The following ZNF469 variants were observed in gnomAD, a reference collection of about 807,000 sequenced individuals.
ZNF469 encodes the protein zinc finger protein 469.
Under a neutral mutation model 1.0 loss-of-function variants are expected in ZNF469, and 1 was observed. The observed-to-expected ratio is 1.00, with a 90% CI of 0.35 to 4.73. The LOEUF (loss-of-function observed/expected upper bound fraction) is 4.73. ZNF469 is among the 30% of genes most tolerant of loss of function. The pLI is 0.16. For missense variants in ZNF469, 6,100 were observed against 5,356.3 expected (o/e 1.14, Z -4.33); for synonymous variants, 2,703 against 2,363.4 (o/e 1.14, Z -4.17).
chr16:88,306,551 G>A, the ZNF469 span, among the ~76,000 whole-genome samples: 11 of 152,320 alleles, frequency 7.2e-5, no homozygotes, highest in South Asian at 2.1e-3. Flanking sequence ...AGAGGGTGGT[G>A]GGGTGTGGTC....
the ZNF469 span, among the ~76,000 whole-genome samples, chr16:88,153,554 C>A: frequency 6.6e-6 from 1 of 152,222 alleles, no homozygotes. Context: ...CTTATGGGGA[C>A]ACAAATGGCA....
At chr16:88,267,637 C>T in the ZNF469 span, among the ~76,000 whole-genome samples, 4 of 151,996 alleles carry the variant, frequency 2.6e-5, no homozygotes, top group African/African-American at 4.8e-5. Context: ...GGTCACCACA[C>T]AGGGCCCCCA....
the ZNF469 span, among the ~76,000 whole-genome samples, chr16:88,182,789 A>C: frequency 1.4e-4 from 21 of 151,490 alleles, no homozygotes; most frequent in African/African-American, 5.1e-4. Context: ...AAAACCGTAA[A>C]ACATCTAGAA....
chr16:88,436,540 G>C lies in ZNF469; in HGVS notation c.9070G>C (p.Glu3024Gln), dbSNP rs1381719986. ...GDVSPEPPSL[E>Q]RERCDGGLPG... The stretch of plus-strand genomic sequence containing the variant: ...TGTGAGCCCCGAGCCCCCCAGCCTG[G>C]AGAGAGAACGCTGTGACGGTGGGCT... The change falls in exon 3 of 3, where the codon GAG becomes CAG. Residue 3024 changes from glutamate (E) to glutamine (Q), a missense_variant. Glu to Gln is a conservative substitution (Grantham distance 29, BLOSUM62 2). Transcript: ENST00000565624. 1.3e-6 allele frequency: 2 copies of C among 1,549,420 alleles called. No individual in the cohort carries two copies. The highest frequency in any genetic ancestry group is 4.9e-5 in the East Asian group (2 of 40,932).
the ZNF469 span, among the ~76,000 whole-genome samples, chr16:88,290,418 G>A: frequency 1.3e-5 from 2 of 152,068 alleles, no homozygotes; most frequent in Admixed American, 6.6e-5. Flanking sequence ...GGCAGGTGAC[G>A]TCCCCTCCTT....
At chr16:88,274,299 GA>G in the ZNF469 span, among the ~76,000 whole-genome samples, 2 of 152,228 alleles carry the variant, frequency 1.3e-5, no homozygotes, top group African/African-American at 2.4e-5. Flanking sequence ...GTTTCAGTTG[GA>G]AAGCTGAAGA....
the ZNF469 span, among the ~76,000 whole-genome samples, chr16:88,330,391 C>T: frequency 6.6e-6 from 1 of 152,242 alleles, no homozygotes; most frequent in Non-Finnish European, 1.5e-5. Flanking sequence ...CATAGCCACG[C>T]CTTCTGAAAA....
At chr16:88,112,192 C>T in the ZNF469 span, among the ~76,000 whole-genome samples, 18 of 152,190 alleles carry the variant, frequency 1.2e-4, no homozygotes, top group African/African-American at 4.3e-4. Flanking sequence ...AATCCCAGCA[C>T]TTCGGGAGGC....
the ZNF469 span, among the ~76,000 whole-genome samples, chr16:88,126,906 G>C: frequency 6.6e-6 from 1 of 151,980 alleles, no homozygotes; most frequent in African/African-American, 2.4e-5. Context: ...TGCAACCTCT[G>C]TCCCCCGGGT....
In ZNF469 at chr16:88,437,153, T is replaced by A. The variant is rs937807926; in HGVS notation, c.9683T>A (p.Leu3228Gln). ...GGCAGCAGCGCTGTCGCCCACCTTC[T>A]GAACAGCATCACGGAACCCGCGCCC... Reference protein sequence around the residue: ...LEGSSAVAHLLNSITEPAPKH... With the variant: ...LEGSSAVAHLQNSITEPAPKH... The change falls in exon 3 of 3, where the codon CTG becomes CAG. Residue 3228 changes from leucine to glutamine, a missense_variant. Coordinates refer to ENST00000565624, the MANE Select transcript of ZNF469 (RefSeq NM_001367624.2). 7 of 1,549,110 alleles carry A rather than the reference T, an allele frequency of 4.5e-6. No individual in the cohort carries two copies. The African/African-American group carries it at 8.2e-5, about 18-fold the overall frequency.
the ZNF469 span, among the ~76,000 whole-genome samples, chr16:88,342,894 G>A: frequency 1.6e-4 from 25 of 152,232 alleles, no homozygotes; most frequent in Non-Finnish European, 3.1e-4. Context: ...TTTGGGTGGT[G>A]GGTCCCTGTG....
chr16:88,239,726 TTTTTTTTTTTTTTTTA>T, the ZNF469 span, among the ~76,000 whole-genome samples: 1 of 30,458 alleles, frequency 3.3e-5, no homozygotes, highest in Non-Finnish European at 5.1e-5. Context: ...TTTTTTTTTT[TTTTTTTTTTTTTTTTA>T]GTAGAGACAG....
the ZNF469 span, among the ~76,000 whole-genome samples, chr16:88,365,043 C>T: frequency 1.3e-5 from 2 of 152,142 alleles, no homozygotes; most frequent in East Asian, 1.9e-4. Flanking sequence ...TGATGTTTTA[C>T]GATGTTATTT....
the ZNF469 span, among the ~76,000 whole-genome samples, chr16:88,165,594 G>A: frequency 6.6e-6 from 1 of 152,164 alleles, no homozygotes; most frequent in African/African-American, 2.4e-5. Context: ...GCTTCAGCAC[G>A]CTAACTTTTT....
the ZNF469 span, among the ~76,000 whole-genome samples, chr16:88,116,294 G>C: frequency 2.0e-5 from 3 of 152,148 alleles, no homozygotes; most frequent in Non-Finnish European, 4.4e-5. Flanking sequence ...CCATGAGGAC[G>C]GCCAGCACAG....
chr16:88,279,704 T>G, the ZNF469 span, among the ~76,000 whole-genome samples: 13 of 103,718 alleles, frequency 1.3e-4, no homozygotes, highest in African/African-American at 3.0e-4. Flanking sequence ...GGTCAGTACC[T>G]TGTAGATATC....
the ZNF469 span, among the ~76,000 whole-genome samples, chr16:88,139,694 C>T: frequency 1.6e-4 from 24 of 151,648 alleles, no homozygotes; most frequent in Admixed American, 6.6e-5. Flanking sequence ...GGATCTGAAA[C>T]CTTTTTGTCC....
the ZNF469 span, among the ~76,000 whole-genome samples, chr16:88,128,125 G>T: frequency 6.6e-6 from 1 of 152,190 alleles, no homozygotes; most frequent in African/African-American, 2.4e-5. Flanking sequence ...GCAGAGGATG[G>T]CAGCTGTTGG....
At chr16:88,226,705 C>A in the ZNF469 span, among the ~76,000 whole-genome samples, 1 of 151,724 alleles carries the variant, frequency 6.6e-6, no homozygotes, top group East Asian at 2.0e-4. Context: ...CCCTGGCAGA[C>A]AAGGCTCAGG....
Sources: gnomAD v4.1 joint callset for allele counts (sites outside exome capture counted in the v4.1 genomes callset) on GRCh38, gnomAD v4.1.1 for gene constraint, MANE v1.5 for transcripts, NCBI Gene and HGNC (gene_info 2026-07-23, HGNC 2026-07-21) for gene names.